KLHL29: variants seen among roughly 807,000 people sequenced by gnomAD.
The protein encoded by KLHL29 is kelch like family member 29.
KLHL29 carries 21 observed loss-of-function variants against 80.4 expected under a neutral mutation model. The ratio of observed to expected loss-of-function variants is 0.26; its 90% CI spans 0.19 to 0.38. KLHL29 has a LOEUF of 0.38. KLHL29 is among the 10% of genes least tolerant of loss of function. The pLI, the probability that KLHL29 is intolerant of heterozygous loss-of-function variation, is 1.00. For missense variants in KLHL29, 867 were observed against 1,223.9 expected, an observed-to-expected ratio of 0.71 and a Z score of 4.35; for synonymous variants, 511 against 526.8, an observed-to-expected ratio of 0.97 and a Z score of 0.41.
intron 2 of KLHL29, among the ~76,000 whole-genome samples, chr2:23,480,330 T>TA (rs918300886): frequency 1.8e-4 from 28 of 152,004 alleles, no homozygotes; most frequent in African/African-American, 5.5e-4. Flanking sequence ...CTACTATAAA[T>TA]AAAAAAATTA....
At chr2:23,653,136 C>T (rs375133625) in intron 5 of KLHL29, among the ~76,000 whole-genome samples, 4 of 152,188 alleles carry the variant, frequency 2.6e-5, no homozygotes, top group Admixed American at 6.5e-5. Context: ...CTGCCTCCCT[C>T]GTTTACCACC....
At chr2:23,678,574 G>A (rs2149183246) in intron 5 of KLHL29, among the ~76,000 whole-genome samples, 1 of 152,322 alleles carries the variant, frequency 6.6e-6, no homozygotes, top group East Asian at 1.9e-4. Flanking sequence ...TCTGCTGAGT[G>A]TAGCCCAAAC....
At chr2:23,550,775 G>T (rs954540238) in intron 2 of KLHL29, among the ~76,000 whole-genome samples, 2 of 152,244 alleles carry the variant, frequency 1.3e-5, no homozygotes, top group Non-Finnish European at 1.5e-5. Flanking sequence ...CACTGGGTCT[G>T]GCTCCAGGCA....
At chr2:23,449,308 T>G (rs1426236006) in intron 1 of KLHL29, among the ~76,000 whole-genome samples, 1 of 152,226 alleles carries the variant, frequency 6.6e-6, no homozygotes, top group Non-Finnish European at 1.5e-5. Flanking sequence ...TAATGGCTAT[T>G]GACTGGTTGT....
At chr2:23,560,104 A>C (rs1344978322) in intron 2 of KLHL29, among the ~76,000 whole-genome samples, 1 of 152,206 alleles carries the variant, frequency 6.6e-6, no homozygotes. Flanking sequence ...TGGAGTGGCC[A>C]GGGCGAAGGC....
At chr2:23,478,373 C>G (rs1009088050) in intron 2 of KLHL29, among the ~76,000 whole-genome samples, 3 of 152,134 alleles carry the variant, frequency 2.0e-5, no homozygotes, top group Non-Finnish European at 4.4e-5. Flanking sequence ...TCTGTGACCC[C>G]TGGGGATCAG....
chr2:23,420,857 A>AC (rs940549425), intron 1 of KLHL29, among the ~76,000 whole-genome samples: 1 of 148,556 alleles, frequency 6.7e-6, no homozygotes, highest in African/African-American at 2.5e-5. Context: ...TCTTTCCGCC[A>AC]CCCCCCCACC....
intron 6 of KLHL29, among the ~76,000 whole-genome samples, chr2:23,687,344 C>G (rs908571468): frequency 3.3e-5 from 5 of 152,208 alleles, no homozygotes; most frequent in Non-Finnish European, 5.9e-5. Context: ...CAGCCTGGGA[C>G]AGGTGATGTG....
At chr2:23,476,476 G>A (rs185380374) in intron 2 of KLHL29, among the ~76,000 whole-genome samples, 224 of 152,186 alleles carry the variant, frequency 1.5e-3, no homozygotes, top group Non-Finnish European at 2.1e-3. Context: ...CGTAAACAGT[G>A]CACACAGGAT....
intron 11 of KLHL29, among the ~76,000 whole-genome samples, chr2:23,702,787 T>C (rs1672480508): frequency 6.6e-6 from 1 of 152,194 alleles, no homozygotes; most frequent in African/African-American, 2.4e-5. Flanking sequence ...GCAGGAATGG[T>C]GCTTCATCCA....
At chr2:23,401,789 T>C (rs945142019) in intron 1 of KLHL29, among the ~76,000 whole-genome samples, 1 of 152,194 alleles carries the variant, frequency 6.6e-6, no homozygotes, top group African/African-American at 2.4e-5. Context: ...ATCTCTCCTC[T>C]TCATTCTCTA....
At chr2:23,656,509 A>G (rs1302764173) in intron 5 of KLHL29, among the ~76,000 whole-genome samples, 2 of 152,164 alleles carry the variant, frequency 1.3e-5, no homozygotes, top group Non-Finnish European at 2.9e-5. Context: ...GCGTTCCTTC[A>G]CCCGACTTCT....
rs577898730 is a variant in KLHL29 at position 23,693,360 on chromosome 2, C to T, written c.1374C>T (p.Phe458=). ...AGCTCTACCACATGGCCAAGGCCTT[C>T]GCGCTGCAGATCTTCCCCGAGGTGG... is the stretch of plus-strand genomic sequence containing the variant. The part of the protein sequence containing the change: ...CSELYHMAKA[F]ALQIFPEVAA... The change falls in exon 8 of 14, where the codon TTC becomes TTT. Residue 458 remains phenylalanine (F), a synonymous_variant. Transcript: ENST00000486442. 37 of 1,551,692 alleles carry T rather than the reference C, an allele frequency of 2.4e-5. No individual in the cohort carries two copies. The highest frequency in any genetic ancestry group is 1.3e-4 in the South Asian group (11 of 84,062).
At chr2:23,564,471 G>A (rs1475295494) in intron 3 of KLHL29, among the ~76,000 whole-genome samples, 2 of 152,224 alleles carry the variant, frequency 1.3e-5, no homozygotes, top group African/African-American at 4.8e-5. Flanking sequence ...CCTCCAGCCC[G>A]GCCTGTTTCC....
Position 23,629,172 on chromosome 2 carries a change from G to A in KLHL29, c.286-9967G>A, listed in dbSNP as rs543740317. Among the ~76,000 whole-genome samples the A allele has an allele frequency of 3.3e-5, 5 of 152,180 alleles. No homozygotes were observed. The South Asian group carries it at 1.0e-3, about 32-fold the overall frequency. On this transcript the variant is annotated intron_variant, in intron 3 of 13. Transcript: ENST00000486442. ...GAAGGGGGATGAAAGGCCCGGCCCC[G>A]CTCTGTGAGAGGTGCCCCTCGCGCT...
At position 23,520,992 on chromosome 2, in the gene KLHL29, A is replaced by ACC. The variant is rs33915683; in HGVS notation, c.-45-41150_-45-41149dup. Among the ~76,000 whole-genome samples the ACC allele has an allele frequency of 5.6e-3, 513 of 91,092 alleles. 10 individuals are homozygous for ACC. The highest frequency in any genetic ancestry group is 0.013 in the African/African-American group (375 of 28,112). 59.8% of individuals were successfully genotyped at this position (91,092 alleles called of 152,430 possible). On this transcript the variant is annotated intron_variant, in intron 2 of 13. Coordinates refer to ENST00000486442, the MANE Select transcript of KLHL29 (RefSeq NM_052920.2). ...TTACTGCTTTCATTTTACAAAGACCACCCCCCCCCCCGCTCCCCCTCAGGG... is the reference window on the plus strand; with the variant it reads ...TTACTGCTTTCATTTTACAAAGACCACCCCCCCCCCCCCGCTCCCCCTCAGGG...
At chr2:23,522,225 G>A (rs907212332) in intron 2 of KLHL29, among the ~76,000 whole-genome samples, 1 of 151,774 alleles carries the variant, frequency 6.6e-6, no homozygotes, top group African/African-American at 2.4e-5. Context: ...CTTGGCTCAT[G>A]GCAACCTCCC....
chr2:23,415,690 A>G (rs1289317143), intron 1 of KLHL29, among the ~76,000 whole-genome samples: 1 of 151,816 alleles, frequency 6.6e-6, no homozygotes, highest in African/African-American at 2.4e-5. Flanking sequence ...CCTTAGATCT[A>G]AAGGTAGTCT....
intron 3 of KLHL29, among the ~76,000 whole-genome samples, chr2:23,564,605 G>C (rs1667540012): frequency 6.6e-6 from 1 of 152,226 alleles, no homozygotes; most frequent in African/African-American, 2.4e-5. Context: ...TTGGGCCACA[G>C]TGCCTTCCCG....
Sources: gnomAD v4.1 joint callset for allele counts (sites outside exome capture counted in the v4.1 genomes callset) on GRCh38, gnomAD v4.1.1 for gene constraint, MANE v1.5 for transcripts, NCBI Gene and HGNC (gene_info 2026-07-23, HGNC 2026-07-21) for gene names.